GK: variants seen among roughly 807,000 people sequenced by gnomAD.
The protein encoded by GK is glycerol kinase.
A neutral mutation model predicts 56.4 loss-of-function variants in GK; 9 were observed. The ratio of observed to expected loss-of-function variants is 0.16; its 90% CI spans 0.10 to 0.28. The LOEUF is 0.28. GK is among the 10% of genes least tolerant of loss of function. GK has a pLI of 1.00. For synonymous variants in GK, 104 were observed against 144.1 expected (o/e 0.72, Z 1.99); for missense variants, 161 against 431.4 (o/e 0.37, Z 5.55).
At chrX:30,684,826 A>C (rs1319137510) in intron 4 of GK, among the ~76,000 whole-genome samples, 1 of 112,109 alleles carries the variant, frequency 8.9e-6, no homozygotes, top group African/African-American at 3.2e-5. Context: ...ATGGTAGTGC[A>C]AACATTTTTT....
intron 1 of GK, among the ~76,000 whole-genome samples, chrX:30,662,709 TTTTCTTTCTTTC>T (rs201163775): frequency 1.6e-4 from 16 of 102,753 alleles, no homozygotes; most frequent in East Asian, 1.3e-3. Context: ...CTCTTTCTCT[TTTTCTTTCTTTC>T]TTTCTTTCTT....
At chrX:30,703,994 A>G (rs1315797706) in intron 11 of GK, among the ~76,000 whole-genome samples, 1 of 106,581 alleles carries the variant, frequency 9.4e-6, no homozygotes, top group Non-Finnish European at 1.9e-5. Context: ...ATTTCCCTAG[A>G]TAGAGGGGAT....
At chrX:30,725,963 A>T (rs1375608523) in intron 19 of GK, among the ~76,000 whole-genome samples, 1 of 110,482 alleles carries the variant, frequency 9.1e-6, no homozygotes, top group Admixed American at 9.7e-5. Context: ...TTAAAATGGC[A>T]TTTTAATCCT....
intron 13 of GK, among the ~76,000 whole-genome samples, chrX:30,714,861 TTTTAA>T (rs1936531170): frequency 8.9e-6 from 1 of 112,306 alleles, no homozygotes; most frequent in Admixed American, 9.4e-5. Flanking sequence ...CAATAAATGC[TTTTAA>T]TTTTAGTTCC....
At position 30,695,798 on chromosome X, in the gene GK, G is replaced by A. The variant is rs112207347; in HGVS notation, c.553-244G>A. The stretch of plus-strand genomic sequence containing the variant: ...ATTTATCCATCAAGTAACTGGAATT[G>A]TGCTGATAAGGTGGCCACTAGCCAC... On this transcript the variant is annotated intron_variant, in intron 6 of 20. Transcript: ENST00000427190. 0.026 allele frequency among the ~76,000 whole-genome samples: 2,956 copies of A among 112,403 alleles called. 96 individuals carry two copies. Among genetic ancestry groups the A allele is most frequent in the African/African-American group, 0.091 (2,800 of 30,931 alleles).
rs1054750112 is a variant in GK, at chrX:30,697,769, A to G, written c.747+20A>G. ...AGCGTGGTGAGTAGGTTGCCCGCCA[A>G]TTATGTACCCATTCATTTGGAAAAG... On this transcript the variant is annotated intron_variant, in intron 9 of 20. Transcript: ENST00000427190. The G allele has an allele frequency of 7.1e-6, 8 of 1,121,705 alleles. No individual in the cohort carries two copies. Among genetic ancestry groups the G allele is most frequent in the Admixed American group, 4.4e-5 (2 of 45,382 alleles). 92.4% of individuals were successfully genotyped at this position (1,121,705 alleles called of 1,213,427 possible).
chrX:30,710,726 CTT>C (rs1254176986), intron 13 of GK, among the ~76,000 whole-genome samples: 1 of 111,610 alleles, frequency 9.0e-6, no homozygotes, highest in Non-Finnish European at 1.9e-5. Context: ...GTCTTTTAGT[CTT>C]TTTCCATTCT....
At chrX:30,718,741 A>G (rs1251922221) in intron 14 of GK, 125 bp downstream of exon 14, 5 of 496,244 alleles carry the variant, frequency 1.0e-5, no homozygotes, top group Non-Finnish European at 1.8e-5. Context: ...GATCCCTATT[A>G]TGAGTTTGAC....
chrX:30,691,978 G>T (rs1934959028), intron 5 of GK, among the ~76,000 whole-genome samples: 1 of 111,213 alleles, frequency 9.0e-6, no homozygotes, highest in Admixed American at 9.5e-5. Context: ...TTCACATAAA[G>T]GAAGGGAGAG....
At chrX:30,720,163 C>A in intron 16 of GK, 68 bp downstream of exon 16, 2 of 653,634 alleles carry the variant, frequency 3.1e-6, no homozygotes, top group South Asian at 4.4e-5. Flanking sequence ...TATGTTAACA[C>A]CCGAGATTTA....
chrX:30,671,302 A>C (rs1363874475), intron 3 of GK, among the ~76,000 whole-genome samples: 2 of 108,239 alleles, frequency 1.8e-5, no homozygotes, highest in Non-Finnish European at 3.8e-5. Flanking sequence ...AAAAAAAAAA[A>C]AAAAAAAAAA....
intron 5 of GK, among the ~76,000 whole-genome samples, chrX:30,692,101 T>C (rs1475441819): frequency 9.0e-6 from 1 of 110,647 alleles, no homozygotes; most frequent in Non-Finnish European, 1.9e-5. Context: ...TTTGTTGTTG[T>C]TTATCCCGTT....
chrX:30,704,268 A>G (rs1318175588), intron 11 of GK, among the ~76,000 whole-genome samples: 1 of 105,656 alleles, frequency 9.5e-6, no homozygotes, highest in Non-Finnish European at 1.9e-5. Context: ...AGTAGCTGAT[A>G]CTACAGGTGC....
chrX:30,726,642 G>C (rs1339348931), intron 19 of GK, among the ~76,000 whole-genome samples: 1 of 111,342 alleles, frequency 9.0e-6, no homozygotes, highest in Admixed American at 9.6e-5. Context: ...AATATTTTGG[G>C]GGTCTCTAAG....
intron 1 of GK, among the ~76,000 whole-genome samples, chrX:30,659,953 T>C (rs1932619733): frequency 9.0e-6 from 1 of 111,636 alleles, no homozygotes; most frequent in Non-Finnish European, 1.9e-5. Context: ...TTTACCATGT[T>C]GGCCAGGCTG....
At chrX:30,718,870 T>G (rs1323405286) in intron 14 of GK, among the ~76,000 whole-genome samples, 1 of 111,981 alleles carries the variant, frequency 8.9e-6, no homozygotes, top group Non-Finnish European at 1.9e-5. Flanking sequence ...AATTGAACAC[T>G]GGAGATTGCC....
At chrX:30,722,088 A>C (rs775068871) in intron 18 of GK, among the ~76,000 whole-genome samples, 2 of 111,804 alleles carry the variant, frequency 1.8e-5, no homozygotes, top group African/African-American at 6.5e-5. Flanking sequence ...AAAAGGAAAA[A>C]AAAAGCATCA....
intron 3 of GK, among the ~76,000 whole-genome samples, chrX:30,676,005 G>T (rs774085219): frequency 8.9e-6 from 1 of 112,255 alleles, no homozygotes; most frequent in East Asian, 2.8e-4. Flanking sequence ...TGGCCAGGCT[G>T]ATCTTGAGCT....
chrX:30,680,106 G>A (rs981248129), intron 4 of GK, among the ~76,000 whole-genome samples: 1 of 111,746 alleles, frequency 8.9e-6, no homozygotes, highest in African/African-American at 3.2e-5. Flanking sequence ...GTGAAAATGT[G>A]TACACATATT....
Sources: allele counts gnomAD v4.1 joint callset (sites outside exome capture counted in the v4.1 genomes callset), GRCh38; gene constraint gnomAD v4.1.1; transcripts MANE v1.5; gene names NCBI Gene and HGNC (gene_info 2026-07-23, HGNC 2026-07-21).